Variants in COL6A6 observed in about 807,000 individuals in gnomAD.
COL6A6 encodes the protein collagen type VI alpha 6 chain, also known as collagen alpha-6(VI) chain.
In COL6A6, 183 loss-of-function variants were observed where a neutral mutation model predicts 208.6. The ratio of observed to expected loss-of-function variants is 0.88; its 90% CI spans 0.78 to 0.99. The LOEUF (loss-of-function observed/expected upper bound fraction) is 0.99, where lower values mean the gene tolerates loss of function less well. Among genes scored for constraint, COL6A6 ranks in the 50% least tolerant of loss-of-function variants. The pLI is 0.00. For synonymous variants in COL6A6, 973 were observed against 1,011.8 expected (o/e 0.96, Z 0.73); for missense variants, 2,816 against 2,815.2 (o/e 1.00, Z -0.01).
chr3:130,552,289 T>G (rs2062660988), intron 1 of COL6A6, among the ~76,000 whole-genome samples: 1 of 152,198 alleles, frequency 6.6e-6, no homozygotes, highest in African/African-American at 2.4e-5. Flanking sequence ...CATAGGTCTC[T>G]GGGAACTTGC....
chr3:130,569,028 C>T (rs1037227357), intron 6 of COL6A6, among the ~76,000 whole-genome samples: 4 of 152,140 alleles, frequency 2.6e-5, no homozygotes, highest in African/African-American at 7.2e-5. Context: ...CCATGGGGAG[C>T]TCCAGACCAT....
chr3:130,516,969 C>T (rs1261862512), upstream of COL6A6, among the ~76,000 whole-genome samples: 2 of 152,190 alleles, frequency 1.3e-5, no homozygotes, highest in African/African-American at 4.8e-5. Context: ...CTCCCACGGT[C>T]GGGACCTTAG....
intron 23 of COL6A6, among the ~76,000 whole-genome samples, chr3:130,620,360 G>T (rs945649623): frequency 6.6e-5 from 10 of 152,160 alleles, no homozygotes; most frequent in Non-Finnish European, 1.0e-4. Context: ...GCCTTCAAAG[G>T]TTCATGAGAG....
At chr3:130,591,394 G>C (rs933299634) in intron 13 of COL6A6, among the ~76,000 whole-genome samples, 1 of 152,030 alleles carries the variant, frequency 6.6e-6, no homozygotes, top group Non-Finnish European at 1.5e-5. Context: ...ATTCTGTAAA[G>C]GTAAACCAAC....
intron 18 of COL6A6, among the ~76,000 whole-genome samples, chr3:130,595,271 C>T (rs1319727438): frequency 6.6e-6 from 1 of 152,126 alleles, no homozygotes; most frequent in Non-Finnish European, 1.5e-5. Context: ...ACCATACCCA[C>T]ACTTAAGTAA....
chr3:130,538,319 C>T (rs2062273341), intron 1 of COL6A6, among the ~76,000 whole-genome samples: 1 of 152,130 alleles, frequency 6.6e-6, no homozygotes, highest in African/African-American at 2.4e-5. Context: ...GTTATACAAG[C>T]CTGTAGACAT....
intron 1 of COL6A6, among the ~76,000 whole-genome samples, chr3:130,536,275 C>T (rs1256308491): frequency 1.3e-5 from 2 of 152,198 alleles, no homozygotes; most frequent in Non-Finnish European, 2.9e-5. Flanking sequence ...GTCCTTCTGT[C>T]CTTACACAAG....
In COL6A6 at chr3:130,565,534, A is replaced by G. The variant is rs768475459; in HGVS notation, c.1202A>G (p.Gln401Arg). 6.2e-7 allele frequency: 1 copy of G among 1,613,970 alleles called. No homozygotes were observed. The change falls in exon 4 of 37, where the codon CAG becomes CGG. Residue 401 changes from glutamine to arginine, a missense_variant. Gln to Arg is a conservative substitution (Grantham distance 43). Transcript: ENST00000358511. The stretch of plus-strand genomic sequence containing the variant: ...TTCGCTGACCTGGCTGCTCACAACC[A>G]GACATTTCTGAAGAAGCTGCGGAAC... ...KTFADLAAHN[Q>R]TFLKKLRNQI...
In COL6A6 at chr3:130,571,292, T is replaced by C; in HGVS notation, c.2876T>C (p.Met959Thr). 1.2e-6 allele frequency: 2 copies of C among 1,614,026 alleles called. No individual in the cohort carries two copies. The highest frequency in any genetic ancestry group is 1.7e-6 in the Non-Finnish European group (2 of 1,179,888). ...GCCAATCCCGTGGAGCTGTTAGCCA[T>C]GGCAGGATCAAGCGACAAGTACTTC... ...DGANPVELLA[M>T]AGSSDKYFFV... Residue 959 changes from methionine to threonine, a missense_variant, in exon 7 of 37, where the codon ATG becomes ACG. Coordinates refer to ENST00000358511, the MANE Select transcript of COL6A6 (RefSeq NM_001102608.3).
intron 26 of COL6A6, among the ~76,000 whole-genome samples, chr3:130,634,302 A>C (rs531480971): frequency 6.6e-6 from 1 of 151,246 alleles, no homozygotes; most frequent in African/African-American, 2.4e-5. Flanking sequence ...ATGACCACCT[A>C]TGCGGTTATA....
chr3:130,594,950 A>T (rs1321532421), intron 18 of COL6A6, among the ~76,000 whole-genome samples: 1 of 152,196 alleles, frequency 6.6e-6, no homozygotes, highest in Non-Finnish European at 1.5e-5. Flanking sequence ...CACCCCCATG[A>T]TTCAATTATT....
At chr3:130,571,743 C>T (rs140520701) in intron 7 of COL6A6, among the ~76,000 whole-genome samples, 44 of 151,870 alleles carry the variant, frequency 2.9e-4, no homozygotes, top group African/African-American at 1.0e-3. Context: ...AGCATGATCA[C>T]GGCTCACTGC....
At chr3:130,669,193 A>C (rs916167349) in intron 36 of COL6A6, among the ~76,000 whole-genome samples, 1 of 152,166 alleles carries the variant, frequency 6.6e-6, no homozygotes, top group Admixed American at 6.5e-5. Context: ...TCAGGAGTTC[A>C]AGGCCAGCCT....
Position 130,658,656 on chromosome 3 carries a change from G to GCTGCTT in COL6A6, c.5734-11_5734-6dup. The GCTGCTT allele has an allele frequency of 6.3e-7, 1 of 1,579,840 alleles. No homozygotes were observed. Among genetic ancestry groups the GCTGCTT allele is most frequent in the Non-Finnish European group, 8.7e-7 (1 of 1,152,648 alleles). ...CAGCCCTACCCACTAAGTTCTTTCT[G>GCTGCTT]CTGCTTCTGCTTCTTTTAGATTGAC... On this transcript the variant is annotated intron_variant, in intron 33 of 36. Coordinates refer to ENST00000358511, the MANE Select transcript of COL6A6 (RefSeq NM_001102608.3).
At chr3:130,613,801 A>C (rs1321517740) in intron 23 of COL6A6, among the ~76,000 whole-genome samples, 1 of 151,976 alleles carries the variant, frequency 6.6e-6, no homozygotes, top group Non-Finnish European at 1.5e-5. Context: ...TGCATTCCTG[A>C]TTTGGCTCTC....
chr3:130,676,573 G>A lies in COL6A6; in HGVS notation c.*1176G>A, dbSNP rs1258285404. On this transcript the variant is annotated 3_prime_UTR_variant, in exon 37 of 37. Transcript: ENST00000358511. ...CAGACTGTCCCCCTCTTTGGGAATG[G>A]AAAGAAGCCCTGCCTGGATGCATGG... 2 of 152,228 alleles carry A rather than the reference G, an allele frequency of 1.3e-5. No homozygotes were observed. Among genetic ancestry groups the A allele is most frequent in the Non-Finnish European group, 2.9e-5 (2 of 68,050 alleles). The allele number at this position is 152,228 out of a possible 1,614,324, so 9.4% of individuals were successfully genotyped here.
At chr3:130,622,141 G>A (rs540746628) in intron 24 of COL6A6, among the ~76,000 whole-genome samples, 2 of 152,004 alleles carry the variant, frequency 1.3e-5, no homozygotes, top group East Asian at 1.9e-4. Context: ...GGGAACAAGG[G>A]ATATTCTGGG....
At chr3:130,646,083 G>A (rs1157624668) in intron 32 of COL6A6, among the ~76,000 whole-genome samples, 2 of 152,160 alleles carry the variant, frequency 1.3e-5, no homozygotes, top group East Asian at 3.8e-4. Flanking sequence ...AGCACATTAG[G>A]TGCTATTTGA....
Position 130,593,067 on chromosome 3 carries a change from G to C in COL6A6, c.4378G>C (p.Val1460Leu). 6.2e-7 allele frequency: 1 copy of C among 1,613,550 alleles called. No individual in the cohort carries two copies. ...ATCATATCTATCTTTTCAGGGAGAA[G>C]TTGGGGAAAATGGAATTGACGGATT... is the stretch of plus-strand genomic sequence containing the variant. ...NRGLNGQEGE[V>L]GENGIDGLNG... is the part of the protein sequence containing the mutation. Residue 1460 changes from valine (V) to leucine (L), a missense_variant, in exon 16 of 37, where the codon GTT (valine) becomes CTT (leucine). Val to Leu is a conservative substitution (Grantham distance 32). Coordinates refer to ENST00000358511, the MANE Select transcript of COL6A6 (RefSeq NM_001102608.3).
Sources: allele counts gnomAD v4.1 joint callset (sites outside exome capture counted in the v4.1 genomes callset), GRCh38; gene constraint gnomAD v4.1.1; transcripts MANE v1.5; gene names NCBI Gene and HGNC (gene_info 2026-07-23, HGNC 2026-07-21).